The following PDE11A variants were observed in gnomAD, a reference collection of about 807,000 sequenced individuals.
PDE11A encodes dual 3',5'-cyclic-AMP and -GMP phosphodiesterase 11A.
In PDE11A, 100 loss-of-function variants were observed where a neutral mutation model predicts 100.5. The ratio of observed to expected loss-of-function variants is 1.00; its 90% CI spans 0.85 to 1.18. PDE11A has a LOEUF of 1.18. Ranked by LOEUF, PDE11A falls within the 50% of genes most tolerant of loss-of-function variation. The pLI, the probability that PDE11A is intolerant of heterozygous loss-of-function variation, is 0.00. For missense variants in PDE11A, 1,141 were observed against 1,152.6 expected, an observed-to-expected ratio of 0.99 and a Z score of 0.15; for synonymous variants, 381 against 420.8, an observed-to-expected ratio of 0.91 and a Z score of 1.16.
chr2:177,721,282 G>GTTTGT, intron 12 of PDE11A, among the ~76,000 whole-genome samples: 1 of 152,250 alleles, frequency 6.6e-6, no homozygotes. Flanking sequence ...TGCAGTGTGT[G>GTTTGT]TTTGTTTTGT....
intron 2 of PDE11A, among the ~76,000 whole-genome samples, chr2:177,929,096 A>T (rs1168406542): frequency 2.0e-5 from 3 of 152,146 alleles, no homozygotes; most frequent in Admixed American, 2.0e-4. Context: ...AATCCAGACA[A>T]GCCTAGCCAA....
intron 5 of PDE11A, among the ~76,000 whole-genome samples, chr2:177,862,479 T>C (rs1043252403): frequency 1.3e-5 from 2 of 151,804 alleles, no homozygotes; most frequent in Non-Finnish European, 3.0e-5. Context: ...ACCTAATATA[T>C]GAATTGAGTA....
intron 2 of PDE11A, among the ~76,000 whole-genome samples, chr2:177,942,403 A>AAT (rs2085354899): frequency 6.3e-5 from 2 of 31,918 alleles, no homozygotes; most frequent in African/African-American, 1.1e-4. Flanking sequence ...ATTTTTTAAA[A>AAT]TTATTTTTTT....
In PDE11A at chr2:177,788,394, T is replaced by G. The variant is rs181433942; in HGVS notation, c.1738-19021A>C. Among the ~76,000 whole-genome samples, 305 of 148,964 alleles carry G rather than the reference T, an allele frequency of 2.0e-3. 1 individual carries two copies. The highest frequency in any genetic ancestry group is 7.2e-3 in the African/African-American group (291 of 40,318). On this transcript the variant is annotated intron_variant, in intron 9 of 19. Transcript: ENST00000286063. ...TCTGGGACGCATTCAAAGCAGTGTG[T>G]AGAGGGAAATTTATAGCACTAAATG...
intron 2 of PDE11A, among the ~76,000 whole-genome samples, chr2:177,993,103 G>A (rs2105811427): frequency 6.6e-6 from 1 of 152,190 alleles, no homozygotes; most frequent in Admixed American, 6.5e-5. Flanking sequence ...ATAAAATGGG[G>A]CTACCATTGT....
At chr2:177,768,927 G>C (rs1218217277) in intron 10 of PDE11A, among the ~76,000 whole-genome samples, 1 of 152,196 alleles carries the variant, frequency 6.6e-6, no homozygotes, top group African/African-American at 2.4e-5. Context: ...CAAGCACTTA[G>C]TGTTAGCTAT....
intron 2 of PDE11A, among the ~76,000 whole-genome samples, chr2:177,989,620 G>C (rs1385282261): frequency 6.6e-6 from 1 of 152,126 alleles, no homozygotes; most frequent in African/African-American, 2.4e-5. Flanking sequence ...AGAGAGAATA[G>C]CTTTTCTGGT....
rs553759937 is a variant in PDE11A, at chr2:177,673,863, C to A, written c.2487+1592G>T. Among the ~76,000 whole-genome samples the A allele has an allele frequency of 9.2e-5, 14 of 152,228 alleles. 1 individual carries two copies. In the South Asian group the frequency reaches 2.9e-3, roughly 32 times the overall value. ...CTGGCTGATGAATTGTTGCGGGAAG[C>A]ATTTAATTGCCAGTGCAAGACCTTC... On this transcript the variant is annotated intron_variant, in intron 17 of 19. Coordinates refer to ENST00000286063, the MANE Select transcript of PDE11A (RefSeq NM_016953.4).
chr2:178,002,421 G>C (rs537288853), intron 2 of PDE11A, among the ~76,000 whole-genome samples: 113 of 152,200 alleles, frequency 7.4e-4, no homozygotes, highest in African/African-American at 2.6e-3. Context: ...TTTTCTTTTG[G>C]ATATATACCC....
intron 2 of PDE11A, among the ~76,000 whole-genome samples, chr2:177,971,689 G>A (rs1559028889): frequency 6.6e-6 from 1 of 152,092 alleles, no homozygotes; most frequent in Non-Finnish European, 1.5e-5. Context: ...GGAGGAGGCT[G>A]ATATTTATAA....
chr2:177,959,978 C>A (rs2085611620), intron 2 of PDE11A, among the ~76,000 whole-genome samples: 1 of 152,052 alleles, frequency 6.6e-6, no homozygotes, highest in Non-Finnish European at 1.5e-5. Flanking sequence ...TCCTAAGTAG[C>A]TAAGCATTAA....
intron 5 of PDE11A, among the ~76,000 whole-genome samples, chr2:177,858,917 TA>T (rs1398733759): frequency 2.6e-5 from 4 of 151,920 alleles, no homozygotes; most frequent in Non-Finnish European, 4.4e-5. Flanking sequence ...TATGCAGCCA[TA>T]AAAAAGGATG....
intron 1 of PDE11A, among the ~76,000 whole-genome samples, chr2:178,026,265 TAG>T (rs773638365): frequency 2.0e-5 from 3 of 152,234 alleles, no homozygotes; most frequent in Non-Finnish European, 2.9e-5. Flanking sequence ...CCAGAATTTA[TAG>T]AGTCATAGTG....
rs369596153 is a variant in PDE11A at position 177,728,382 on chromosome 2, C to CCG, written c.1789-211_1789-210insCG. On this transcript the variant is annotated intron_variant, in intron 10 of 19. Transcript: ENST00000286063. Reference sequence around the variant, plus strand: ...ATGAAGGTGGGGGCAGGGTTGGGGGCGGGGGGAGGGAAACTAATCTGAAGA... The same window carrying CCG: ...ATGAAGGTGGGGGCAGGGTTGGGGGCCGGGGGGGAGGGAAACTAATCTGAAGA... 1.7e-4 allele frequency among the ~76,000 whole-genome samples: 12 copies of CCG among 69,166 alleles called. No individual in the cohort carries two copies. The East Asian group carries it at 5.3e-3, about 30-fold the overall frequency. The allele number at this position is 69,166 out of a possible 152,430, so 45.4% of individuals were successfully genotyped here.
At chr2:177,834,714 A>G (rs887444819) in intron 6 of PDE11A, among the ~76,000 whole-genome samples, 1 of 152,234 alleles carries the variant, frequency 6.6e-6, no homozygotes, top group African/African-American at 2.4e-5. Context: ...GAAGAAACCC[A>G]TTGCATAAGA....
chr2:177,643,731 C>T (rs1015975697), intron 19 of PDE11A, among the ~76,000 whole-genome samples: 7 of 152,246 alleles, frequency 4.6e-5, no homozygotes, highest in African/African-American at 1.4e-4. Flanking sequence ...AAAGCAGCCC[C>T]TCCCATCACA....
chr2:177,815,759 A>G (rs1049914231), intron 9 of PDE11A, among the ~76,000 whole-genome samples: 2 of 152,184 alleles, frequency 1.3e-5, no homozygotes, highest in Non-Finnish European at 2.9e-5. Flanking sequence ...AGGTAACATC[A>G]ATTTGCCTAC....
At chr2:177,810,659 CA>C (rs538054841) in intron 9 of PDE11A, among the ~76,000 whole-genome samples, 19 of 121,418 alleles carry the variant, frequency 1.6e-4, no homozygotes, top group Non-Finnish European at 2.8e-4. Flanking sequence ...AAATGAGAGC[CA>C]GGGGTAGGAA....
At chr2:177,952,114 A>G (rs961842364) in intron 2 of PDE11A, among the ~76,000 whole-genome samples, 8 of 152,112 alleles carry the variant, frequency 5.3e-5, no homozygotes, top group African/African-American at 1.4e-4. Flanking sequence ...TTCCCACCAT[A>G]TTAAATGTCT....
Sources: gnomAD v4.1 joint callset for allele counts (sites outside exome capture counted in the v4.1 genomes callset) on GRCh38, gnomAD v4.1.1 for gene constraint, MANE v1.5 for transcripts, NCBI Gene and HGNC (gene_info 2026-07-23, HGNC 2026-07-21) for gene names.